CETN2: variants seen among roughly 807,000 people sequenced by gnomAD.
CETN2 encodes the protein centrin 2.
A neutral mutation model predicts 12.6 loss-of-function variants in CETN2; 2 were observed. The ratio of observed to expected loss-of-function variants is 0.16; its 90% CI spans 0.07 to 0.50. CETN2 has a LOEUF of 0.50. Ranked by LOEUF, CETN2 falls within the 20% of genes least tolerant of loss-of-function variation. The probability of loss-of-function intolerance (pLI) is 0.96; values close to 1 mark genes in which losing one functional copy is unlikely to be tolerated. For synonymous variants in CETN2, 41 were observed against 43.4 expected (o/e 0.94, Z 0.22); for missense variants, 81 against 128.3 (o/e 0.63, Z 1.78).
chrX:152,828,032 A>G (rs1305831346), intron 4 of CETN2, 102 bp from the exon 5 acceptor site: 73 of 622,050 alleles, frequency 1.2e-4, no homozygotes, highest in Non-Finnish European at 3.2e-5. Flanking sequence ...TATGCTGCCC[A>G]CACTGGTCTC....
At chrX:152,830,450 GT>G (rs2124998454) in intron 1 of CETN2, among the ~76,000 whole-genome samples, 1 of 113,268 alleles carries the variant, frequency 8.8e-6, no homozygotes, top group African/African-American at 3.2e-5. Context: ...GCCCAGGGAG[GT>G]TCACCGAGGG....
In CETN2 at chrX:152,827,785, T is replaced by A. The variant is rs1932966051; in HGVS notation, c.*56A>T. On this transcript the variant is annotated 3_prime_UTR_variant, in exon 5 of 5. Coordinates refer to ENST00000370277, the MANE Select transcript of CETN2 (RefSeq NM_004344.3). ...TTCTCAAAAGCCAGATTTCACACCATGGCAGGCACTAAATCTAGTTACATG... is the reference window on the plus strand; with the variant it reads ...TTCTCAAAAGCCAGATTTCACACCAAGGCAGGCACTAAATCTAGTTACATG... 1 of 1,010,648 alleles carries A rather than the reference T, an allele frequency of 9.9e-7. No individual in the cohort carries two copies. Among genetic ancestry groups the A allele is most frequent in the Admixed American group, 2.3e-5 (1 of 43,880 alleles). The allele number at this position is 1,010,648 out of a possible 1,213,427, so 83.3% of individuals were successfully genotyped here.
At chrX:152,829,504 G>T in intron 2 of CETN2, 98 bp downstream of exon 2, 1 of 992,626 alleles carries the variant, frequency 1.0e-6, no homozygotes, top group Non-Finnish European at 1.4e-6. Context: ...ACTTACTGCA[G>T]GGAGAAGAGG....
chrX:152,829,927 C>T (rs182920311), intron 1 of CETN2, among the ~76,000 whole-genome samples, 167 bp from the exon 2 acceptor site: 2 of 112,243 alleles, frequency 1.8e-5, no homozygotes, highest in African/African-American at 6.5e-5. Flanking sequence ...AACAATGAAT[C>T]TTTCCATGAA....
In CETN2 at chrX:152,829,682, C is replaced by G. The variant is rs782631653; in HGVS notation, c.82G>C (p.Glu28Gln). The G allele has an allele frequency of 8.3e-7, 1 of 1,207,698 alleles. No individual in the cohort carries two copies. The highest frequency in any genetic ancestry group is 2.2e-5 in the Admixed American group (1 of 45,892). The change falls in exon 2 of 5, where the codon GAG becomes CAG. Residue 28 changes from glutamate to glutamine, a missense_variant. Glu to Gln is a conservative substitution (Grantham distance 29, BLOSUM62 2). Coordinates refer to ENST00000370277, the MANE Select transcript of CETN2 (RefSeq NM_004344.3). ...RMSPKPELTE[E>Q]QKQEIREAFD... is the part of the protein sequence containing the mutation. ...GCTTCCCGGATCTCCTGCTTTTGCT[C>G]TTCAGTAAGCTCAGGCTTAGGGCTC...
intron 3 of CETN2, 200 bp downstream of exon 3, chrX:152,828,949 G>A (rs1473303430): frequency 4.3e-6 from 2 of 460,762 alleles, no homozygotes; most frequent in East Asian, 3.8e-5. Flanking sequence ...TGTGGGAAGA[G>A]GTATCTGCTT....
At chrX:152,828,728 T>G in intron 3 of CETN2, 54 bp from the exon 4 acceptor site, 7 of 1,086,208 alleles carry the variant, frequency 6.4e-6, no homozygotes, top group Non-Finnish European at 8.8e-6. Flanking sequence ...GGTTGGTTAC[T>G]ACTGTCCTGT....
intron 3 of CETN2, chrX:152,828,907 C>G: frequency 2.3e-6 from 1 of 438,518 alleles, no homozygotes. Context: ...CTCTCCCTAT[C>G]CCATATCTAT....
intron 4 of CETN2, among the ~76,000 whole-genome samples, chrX:152,828,283 G>C (rs926168306): frequency 1.4e-4 from 16 of 112,096 alleles, no homozygotes; most frequent in Non-Finnish European, 2.8e-4. Flanking sequence ...ACCTGGGAGG[G>C]ACCTTGAAGA....
intron 4 of CETN2, among the ~76,000 whole-genome samples, chrX:152,828,165 A>G (rs1932969562): frequency 9.0e-6 from 1 of 111,440 alleles, no homozygotes; most frequent in Non-Finnish European, 1.9e-5. Flanking sequence ...ATTTGTATCT[A>G]TGTGAATAGA....
intron 2 of CETN2, 118 bp from the exon 3 acceptor site, chrX:152,829,395 A>G (rs1602914841): frequency 2.2e-6 from 2 of 916,690 alleles, no homozygotes; most frequent in East Asian, 3.2e-5. Flanking sequence ...ATTGGGGAAC[A>G]CTATGACATT....
Position 152,828,611 on chromosome X carries a change from C to G in CETN2, c.355G>C (p.Gly119Arg). ...TTCAGATTTTTGAACGAAATCTTCC[C>G]AGTTTCATCATCATCAAAGAGCTTG... ...AFKLFDDDET[G>R]KISFKNLKRV... Residue 119 changes from glycine to arginine, a missense_variant, in exon 4 of 5, where the codon GGG becomes CGG. Physicochemically the swap from Gly to Arg is moderately radical, Grantham distance 125. Coordinates refer to ENST00000370277, the MANE Select transcript of CETN2 (RefSeq NM_004344.3). 8.3e-7 allele frequency: 1 copy of G among 1,209,492 alleles called. No homozygotes were observed. The highest frequency in any genetic ancestry group is 3.0e-5 in the East Asian group (1 of 33,855).
At chrX:152,829,128 A>T in intron 3 of CETN2, 21 bp downstream of exon 3, 1 of 1,207,589 alleles carries the variant, frequency 8.3e-7, no homozygotes, top group African/African-American at 1.7e-5. Flanking sequence ...CCATACCATG[A>T]TAATTGTCTT....
At position 152,828,467 on chromosome X, in the gene CETN2, A is replaced by T. The variant is rs950145612; in HGVS notation, c.429+70T>A. 73 of 1,105,512 alleles carry T rather than the reference A, an allele frequency of 6.6e-5. 1 individual carries two copies. The East Asian group carries it at 1.5e-3, about 23-fold the overall frequency. The allele number at this position is 1,105,512 out of a possible 1,213,427, so 91.1% of individuals were successfully genotyped here. On this transcript the variant is annotated intron_variant, in intron 4 of 4. Transcript: ENST00000370277. ...TTCAAAGAGGTGCTCACACTAGGGAAAATGTAATGGAAAAGTCACAGAGGG... is the reference window on the plus strand; with the variant it reads ...TTCAAAGAGGTGCTCACACTAGGGATAATGTAATGGAAAAGTCACAGAGGG...
At chrX:152,829,463 A>G in intron 2 of CETN2, 139 bp downstream of exon 2, 1 of 899,868 alleles carries the variant, frequency 1.1e-6, no homozygotes, top group Non-Finnish European at 1.5e-6. Context: ...AAGTAAAGAC[A>G]GGAAAACAGC....
chrX:152,829,547 C>G (rs1457092681), intron 2 of CETN2, 55 bp downstream of exon 2: 12 of 1,131,711 alleles, frequency 1.1e-5, no homozygotes, highest in Non-Finnish European at 1.4e-5. Flanking sequence ...AGGGAGATGA[C>G]AAGGAAGAGG....
At chrX:152,829,320 A>G (rs782689752) in intron 2 of CETN2, 43 bp from the exon 3 acceptor site, 2 of 1,149,047 alleles carry the variant, frequency 1.7e-6, no homozygotes, top group Admixed American at 2.8e-5. Context: ...CATCTAAAGT[A>G]GCAGGAGCAA....
chrX:152,828,442 T>G, intron 4 of CETN2, 95 bp downstream of exon 4: 1 of 969,287 alleles, frequency 1.0e-6, no homozygotes, highest in African/African-American at 1.9e-5. Flanking sequence ...CTGGCTTTTC[T>G]TCAAAGAGGT....
At chrX:152,829,986 C>T (rs1414285169) in intron 1 of CETN2, among the ~76,000 whole-genome samples, 2 of 111,664 alleles carry the variant, frequency 1.8e-5, no homozygotes, top group East Asian at 5.6e-4. Flanking sequence ...GCAGGGAGAT[C>T]ACTTGTTCAG....
Sources: gnomAD v4.1 joint callset for allele counts (sites outside exome capture counted in the v4.1 genomes callset) on GRCh38, gnomAD v4.1.1 for gene constraint, MANE v1.5 for transcripts, NCBI Gene and HGNC (gene_info 2026-07-23, HGNC 2026-07-21) for gene names.